The following KLF7 variants were observed in gnomAD, a reference collection of about 807,000 sequenced individuals.
KLF7 encodes the protein Krueppel-like factor 7.
A neutral mutation model predicts 27.3 loss-of-function variants in KLF7; 2 were observed. That is an observed-to-expected ratio of 0.07 (90% CI 0.03 to 0.23). The LOEUF (loss-of-function observed/expected upper bound fraction) is 0.23, where lower values mean the gene tolerates loss of function less well. KLF7 is among the 10% of genes least tolerant of loss of function. KLF7 has a pLI of 1.00. For synonymous variants in KLF7, 165 were observed against 162.4 expected (o/e 1.02, Z -0.12); for missense variants, 221 against 394.1 (o/e 0.56, Z 3.72).
At chr2:207,100,036 G>A (rs1367437384) in intron 2 of KLF7, among the ~76,000 whole-genome samples, 1 of 152,144 alleles carries the variant, frequency 6.6e-6, no homozygotes, top group Non-Finnish European at 1.5e-5. Flanking sequence ...AGACTGAGGT[G>A]AGAGGATCAC....
At chr2:207,148,924 T>G in intron 1 of KLF7, 1 of 797,414 alleles carries the variant, frequency 1.3e-6, no homozygotes, top group Non-Finnish European at 1.6e-6. Flanking sequence ...CACCCTCACC[T>G]GATTCCCCAT....
intron 1 of KLF7, among the ~76,000 whole-genome samples, chr2:207,142,296 T>C (rs1300003768): frequency 6.6e-6 from 1 of 152,222 alleles, no homozygotes; most frequent in Non-Finnish European, 1.5e-5. Context: ...GAAAAAGCTC[T>C]GCTAAGATAA....
upstream of KLF7, chr2:207,166,884 G>C: frequency 9.3e-7 from 1 of 1,079,400 alleles, no homozygotes; most frequent in Non-Finnish European, 1.1e-6. Context: ...AGCGGAGCGA[G>C]ACCGCGGCCT....
At chr2:207,145,010 A>C (rs1413322090) in intron 1 of KLF7, among the ~76,000 whole-genome samples, 1 of 152,210 alleles carries the variant, frequency 6.6e-6, no homozygotes, top group Non-Finnish European at 1.5e-5. Flanking sequence ...ATTTTTAGTT[A>C]TTATTCACAT....
chr2:207,094,525 G>A (rs1220240069), intron 2 of KLF7, among the ~76,000 whole-genome samples: 1 of 152,188 alleles, frequency 6.6e-6, no homozygotes, highest in Non-Finnish European at 1.5e-5. Context: ...ACATCTCGAA[G>A]AAATCAGCAA....
chr2:207,091,444 A>G (rs1239723968), intron 2 of KLF7, among the ~76,000 whole-genome samples: 2 of 152,110 alleles, frequency 1.3e-5, no homozygotes, highest in Non-Finnish European at 2.9e-5. Flanking sequence ...GGCAAACACT[A>G]CTCAGAATAA....
At chr2:207,114,360 G>T (rs2077120782) in intron 2 of KLF7, among the ~76,000 whole-genome samples, 1 of 152,212 alleles carries the variant, frequency 6.6e-6, no homozygotes, top group South Asian at 2.1e-4. Context: ...GGTGAAGGAT[G>T]TTGCATATCC....
At chr2:207,159,015 G>GT (rs1408853504) in intron 1 of KLF7, among the ~76,000 whole-genome samples, 1 of 152,146 alleles carries the variant, frequency 6.6e-6, no homozygotes, top group Non-Finnish European at 1.5e-5. Flanking sequence ...GTTCAACCCA[G>GT]TATTTTAGAG....
At chr2:207,142,057 G>A (rs148278252) in intron 1 of KLF7, among the ~76,000 whole-genome samples, 252 of 152,160 alleles carry the variant, frequency 1.7e-3, no homozygotes, top group Middle Eastern at 6.8e-3. Flanking sequence ...ACCATGAAAT[G>A]TCAAGCAGGA....
At chr2:207,097,273 C>A (rs2076654122) in intron 2 of KLF7, among the ~76,000 whole-genome samples, 1 of 151,294 alleles carries the variant, frequency 6.6e-6, no homozygotes, top group Non-Finnish European at 1.5e-5. Context: ...AAAAAAAAAA[C>A]TGTCCCACTT....
chr2:207,122,287 G>T (rs2077361142), intron 2 of KLF7, among the ~76,000 whole-genome samples: 1 of 152,088 alleles, frequency 6.6e-6, no homozygotes, highest in South Asian at 2.1e-4. Context: ...ATTATGTTAG[G>T]AGACCGTCCC....
At chr2:207,124,923 ACAAT>A (rs1228050948) in intron 1 of KLF7, among the ~76,000 whole-genome samples, 2 of 152,178 alleles carry the variant, frequency 1.3e-5, no homozygotes, top group African/African-American at 2.4e-5. Context: ...GACCTCAGTA[ACAAT>A]CAAACAACAG....
chr2:207,142,916 G>A (rs1032273419), intron 1 of KLF7, among the ~76,000 whole-genome samples: 1 of 152,162 alleles, frequency 6.6e-6, no homozygotes, highest in Non-Finnish European at 1.5e-5. Flanking sequence ...CTTCTAAAAG[G>A]CAGTAGCTGT....
chr2:207,172,555 T>C, the KLF7 span, among the ~76,000 whole-genome samples: 14 of 152,200 alleles, frequency 9.2e-5, no homozygotes, highest in African/African-American at 3.4e-4. Context: ...TATTACTTTT[T>C]CTCCCCAACT....
At chr2:207,098,379 C>T (rs908075869) in intron 2 of KLF7, among the ~76,000 whole-genome samples, 22 of 152,040 alleles carry the variant, frequency 1.4e-4, no homozygotes, top group Non-Finnish European at 2.9e-4. Context: ...ACAACTACAC[C>T]AAGTGAATCT....
chr2:207,137,899 A>G (rs1033619140), intron 1 of KLF7, among the ~76,000 whole-genome samples: 5 of 152,334 alleles, frequency 3.3e-5, no homozygotes, highest in African/African-American at 9.6e-5. Context: ...AAAGAAAAGT[A>G]AAATTGTGCT....
chr2:207,111,690 T>C (rs1421593653), intron 2 of KLF7, among the ~76,000 whole-genome samples: 1 of 152,190 alleles, frequency 6.6e-6, no homozygotes, highest in Admixed American at 6.5e-5. Flanking sequence ...CTTGCTTGTA[T>C]GCCTGCACTC....
At chr2:207,137,748 G>A (rs2077829038) in intron 1 of KLF7, among the ~76,000 whole-genome samples, 1 of 151,022 alleles carries the variant, frequency 6.6e-6, no homozygotes, top group African/African-American at 2.4e-5. Context: ...TATTTTGGAT[G>A]CCTCTCTCTC....
At chr2:207,171,874 A>G (rs1372252917), upstream of KLF7, among the ~76,000 whole-genome samples, 1 of 152,228 alleles carries the variant, frequency 6.6e-6, no homozygotes, top group Non-Finnish European at 1.5e-5. Context: ...CAAAGTCAGC[A>G]ATATTTTCAT....
Sources: gnomAD v4.1 joint callset for allele counts (sites outside exome capture counted in the v4.1 genomes callset) on GRCh38, gnomAD v4.1.1 for gene constraint, MANE v1.5 for transcripts, NCBI Gene and HGNC (gene_info 2026-07-23, HGNC 2026-07-21) for gene names.